Variants in NRAP observed in about 807,000 individuals in gnomAD.
The protein encoded by NRAP is nebulin related anchoring protein.
NRAP carries 189 observed loss-of-function variants against 225.9 expected under a neutral mutation model. That is an observed-to-expected ratio of 0.84 (90% CI 0.74 to 0.94). The LOEUF (loss-of-function observed/expected upper bound fraction) is 0.94. NRAP is among the 40% of genes least tolerant of loss of function. The pLI is 0.00. For missense variants in NRAP, 2,176 were observed against 2,168.7 expected (o/e 1.00, Z -0.07); for synonymous variants, 769 against 790.7 (o/e 0.97, Z 0.46).
chr10:113,630,311 G>A (rs757794312), intron 18 of NRAP, among the ~76,000 whole-genome samples: 2 of 152,172 alleles, frequency 1.3e-5, no homozygotes, highest in Non-Finnish European at 2.9e-5. Context: ...AACAATGGTG[G>A]TTCGGTGGTG....
chr10:113,608,683 TGAG>T (rs1434579637), intron 31 of NRAP, among the ~76,000 whole-genome samples, 171 bp from the exon 32 acceptor site: 1 of 152,292 alleles, frequency 6.6e-6, no homozygotes. Context: ...CTCACTGGGA[TGAG>T]GAAGCAGAGA....
rs555417430 is a variant in NRAP, at chr10:113,602,196, G to A, written c.4227+2413C>T. 3.3e-5 allele frequency among the ~76,000 whole-genome samples: 5 copies of A among 152,260 alleles called. 1 individual carries two copies. In the South Asian group the frequency reaches 1.0e-3, roughly 32 times the overall value. On this transcript the variant is annotated intron_variant, in intron 35 of 41. Coordinates refer to ENST00000359988, the MANE Select transcript of NRAP (RefSeq NM_198060.4). ...CCCGGCCCCTTTTTGCTTTTCTGAT[G>A]GAGAGATGGAGGCCTAGAAAGGGAA...
At chr10:113,642,056 G>A (rs1849235921) in intron 12 of NRAP, among the ~76,000 whole-genome samples, 1 of 152,098 alleles carries the variant, frequency 6.6e-6, no homozygotes, top group South Asian at 2.1e-4. Context: ...TAGGAAATTT[G>A]GGGTATTAAA....
At chr10:113,606,134 A>C (rs768252095) in intron 33 of NRAP, 44 bp downstream of exon 33, 1 of 1,386,348 alleles carries the variant, frequency 7.2e-7, no homozygotes, top group African/African-American at 1.4e-5. Context: ...GTAGACATAC[A>C]TGGCTTTGGA....
chr10:113,643,902 A>T (rs1849349944), intron 11 of NRAP, among the ~76,000 whole-genome samples: 1 of 152,138 alleles, frequency 6.6e-6, no homozygotes, highest in Admixed American at 6.5e-5. Context: ...CCCTTCAGTT[A>T]CAGTATATTC....
intron 6 of NRAP, among the ~76,000 whole-genome samples, chr10:113,652,389 C>A (rs928486472): frequency 1.3e-5 from 2 of 152,076 alleles, no homozygotes; most frequent in Non-Finnish European, 1.5e-5. Flanking sequence ...CCCGAGTAAT[C>A]CCAGCACTTT....
intron 4 of NRAP, among the ~76,000 whole-genome samples, chr10:113,656,021 T>A (rs940161853): frequency 1.4e-4 from 21 of 152,164 alleles, no homozygotes; most frequent in Non-Finnish European, 2.1e-4. Flanking sequence ...CAGGCCATGA[T>A]GGAAAGGGGG....
chr10:113,643,305 T>C (rs945027479), intron 11 of NRAP, among the ~76,000 whole-genome samples: 4 of 152,170 alleles, frequency 2.6e-5, no homozygotes, highest in Non-Finnish European at 5.9e-5. Context: ...ACTCAAAAAA[T>C]GGCAAAACTG....
At chr10:113,642,447 G>C (rs532689904) in intron 12 of NRAP, among the ~76,000 whole-genome samples, 4 of 152,014 alleles carry the variant, frequency 2.6e-5, no homozygotes, top group Non-Finnish European at 5.9e-5. Context: ...ATGTCCATGA[G>C]GATACATCTT....
chr10:113,599,744 G>A (rs1179801513), intron 35 of NRAP, among the ~76,000 whole-genome samples: 1 of 152,180 alleles, frequency 6.6e-6, no homozygotes, highest in Non-Finnish European at 1.5e-5. Context: ...CAGGGGAGGG[G>A]AGTCAAGAAG....
At chr10:113,611,715 T>C (rs1212042184) in intron 30 of NRAP, among the ~76,000 whole-genome samples, 1 of 152,162 alleles carries the variant, frequency 6.6e-6, no homozygotes, top group Non-Finnish European at 1.5e-5. Context: ...TCCCAACAGA[T>C]CTTAGCCCTC....
intron 14 of NRAP, among the ~76,000 whole-genome samples, chr10:113,638,377 T>C (rs1362794082): frequency 6.6e-6 from 1 of 152,226 alleles, no homozygotes; most frequent in Non-Finnish European, 1.5e-5. Context: ...TTAATTCTAT[T>C]AGTGTTTATA....
intron 14 of NRAP, 77 bp downstream of exon 14, chr10:113,640,150 C>A: frequency 2.5e-6 from 2 of 784,402 alleles, no homozygotes; most frequent in Non-Finnish European, 4.3e-6. Context: ...TTCTTTCCAT[C>A]TTGCTACCTA....
In NRAP at chr10:113,590,712, C is replaced by T. The variant is rs758527572; in HGVS notation, c.4822G>A (p.Gly1608Ser). ...SQFHSSTDQP[G>S]LLQAKRSQQL... ...TGGCTCCTCTTGGCCTGAAGGAGGC[C>T]GGGCTGGTCTGTGCTGCTGTGAAAC... Residue 1608 changes from glycine (G) to serine (S), a missense_variant, in exon 40 of 42, where the codon GGC becomes AGC. Transcript: ENST00000359988. The T allele has an allele frequency of 1.1e-5, 17 of 1,614,036 alleles. No homozygotes were observed. The highest frequency in any genetic ancestry group is 9.9e-5 in the South Asian group (9 of 91,082).
At chr10:113,653,873 C>T (rs1850139570) in intron 5 of NRAP, 148 bp downstream of exon 5, 2 of 678,710 alleles carry the variant, frequency 2.9e-6, no homozygotes, top group African/African-American at 1.8e-5. Flanking sequence ...CTGACTCTGA[C>T]CCTCCTGGTT....
chr10:113,595,008 C>T (rs1196403927), intron 38 of NRAP, among the ~76,000 whole-genome samples: 1 of 152,224 alleles, frequency 6.6e-6, no homozygotes, highest in Non-Finnish European at 1.5e-5. Flanking sequence ...GCTGGCCGAG[C>T]GGCCGCCTAT....
chr10:113,647,062 C>T, intron 9 of NRAP, 35 bp from the exon 10 acceptor site: 2 of 1,334,274 alleles, frequency 1.5e-6, no homozygotes, highest in Non-Finnish European at 2.2e-6. Flanking sequence ...GTGAGTAATG[C>T]TTCCCTCCCC....
intron 35 of NRAP, among the ~76,000 whole-genome samples, chr10:113,601,523 C>T (rs1223746447): frequency 2.0e-5 from 3 of 152,204 alleles, no homozygotes; most frequent in Non-Finnish European, 4.4e-5. Flanking sequence ...AAAAGGAATG[C>T]GTACAGCATA....
intron 15 of NRAP, 36 bp from the exon 16 acceptor site, chr10:113,633,224 A>G: frequency 8.2e-7 from 1 of 1,224,196 alleles, no homozygotes; most frequent in Middle Eastern, 1.9e-4. Flanking sequence ...GGGTTTTTAT[A>G]TGGGCAGAAA....
Sources: gnomAD v4.1 joint callset for allele counts (sites outside exome capture counted in the v4.1 genomes callset) on GRCh38, gnomAD v4.1.1 for gene constraint, MANE v1.5 for transcripts, NCBI Gene and HGNC (gene_info 2026-07-23, HGNC 2026-07-21) for gene names.